The following LPAR1 variants were observed in gnomAD, a reference collection of about 807,000 sequenced individuals.
The protein encoded by LPAR1 is LPA receptor 1.
In LPAR1, 5 loss-of-function variants were observed where a neutral mutation model predicts 23.8. The observed-to-expected ratio is 0.21, with a 90% CI of 0.11 to 0.44. The LOEUF (loss-of-function observed/expected upper bound fraction) is 0.44, where lower values mean the gene tolerates loss of function less well. Ranked by LOEUF, LPAR1 falls within the 20% of genes least tolerant of loss-of-function variation. The pLI is 0.99. For synonymous variants in LPAR1, 160 were observed against 164.7 expected (o/e 0.97, Z 0.22); for missense variants, 311 against 482.8 (o/e 0.64, Z 3.33).
At chr9:110,925,310 AC>A (rs1469136981) in intron 5 of LPAR1, among the ~76,000 whole-genome samples, 1 of 151,680 alleles carries the variant, frequency 6.6e-6, no homozygotes, top group Admixed American at 6.6e-5. Flanking sequence ...CTTGGGGGAT[AC>A]ATTGGTCCGT....
intron 5 of LPAR1, among the ~76,000 whole-genome samples, chr9:110,937,549 G>A (rs1031062583): frequency 9.2e-5 from 14 of 152,118 alleles, no homozygotes; most frequent in African/African-American, 3.4e-4. Context: ...ATACGCCATA[G>A]GGTTGTAATT....
chr9:111,000,616 T>C (rs1345726892), intron 2 of LPAR1, among the ~76,000 whole-genome samples: 2 of 152,178 alleles, frequency 1.3e-5, no homozygotes, highest in African/African-American at 2.4e-5. Context: ...CCCAAAAGAA[T>C]AAGCCTTCTG....
intron 2 of LPAR1, among the ~76,000 whole-genome samples, chr9:110,978,011 A>G (rs1252621674): frequency 6.6e-6 from 1 of 152,232 alleles, no homozygotes. Flanking sequence ...CCACCAGGCA[A>G]ATAGAACACA....
chr9:110,981,596 A>T (rs979277532), intron 2 of LPAR1, among the ~76,000 whole-genome samples: 156 of 30,716 alleles, frequency 5.1e-3, no homozygotes, highest in Non-Finnish European at 0.012. Flanking sequence ...TTAAGGAAAT[A>T]AAAAAAAATC....
intron 1 of LPAR1, chr9:111,037,905 C>T (rs1196186048): frequency 6.6e-6 from 1 of 152,118 alleles, no homozygotes; most frequent in East Asian, 1.9e-4. Context: ...GGGGCTCGGT[C>T]CGCCGCTGGG....
At chr9:110,877,921 T>C (rs2079551640) in intron 5 of LPAR1, among the ~76,000 whole-genome samples, 1 of 152,202 alleles carries the variant, frequency 6.6e-6, no homozygotes, top group Non-Finnish European at 1.5e-5. Context: ...TGTTTATAAT[T>C]TCTTCCCATG....
intron 5 of LPAR1, among the ~76,000 whole-genome samples, chr9:110,896,776 T>C (rs1400429870): frequency 1.3e-5 from 2 of 149,834 alleles, no homozygotes; most frequent in Non-Finnish European, 2.9e-5. Context: ...TATGCAACTA[T>C]TTAGTGAAAT....
In LPAR1 at chr9:110,875,671, A is replaced by G. The variant is rs373021969; in HGVS notation, c.845T>C (p.Val282Ala). The stretch of plus-strand genomic sequence containing the variant: ...CAGCACGTCGCACTGTGGACAGCAC[A>G]CGTCTAGAAGTAACAAAACCAATCC... ...TPGLVLLLLD[V>A]CCPQCDVLAY... is the part of the protein sequence containing the mutation. The change falls in exon 6 of 6, where the codon GTG (valine) becomes GCG (alanine). Residue 282 changes from valine (V) to alanine (A), a missense_variant. Coordinates refer to ENST00000683809, the MANE Select transcript of LPAR1 (RefSeq NM_001351411.2). 8.1e-6 allele frequency: 13 copies of G among 1,613,836 alleles called. No homozygotes were observed. Among genetic ancestry groups the G allele is most frequent in the African/African-American group, 1.3e-5 (1 of 75,044 alleles).
intron 5 of LPAR1, among the ~76,000 whole-genome samples, chr9:110,923,084 C>T (rs528002631): frequency 1.9e-4 from 29 of 152,114 alleles, no homozygotes; most frequent in African/African-American, 7.0e-4. Context: ...AGGAGACTTG[C>T]CCCACTGAGT....
At chr9:110,882,954 TAAG>T (rs768118767) in intron 5 of LPAR1, among the ~76,000 whole-genome samples, 3 of 152,166 alleles carry the variant, frequency 2.0e-5, no homozygotes, top group Admixed American at 6.5e-5. Flanking sequence ...AAGTAAAAGG[TAAG>T]AAGAGGAGGC....
At chr9:110,988,111 A>G (rs2096826707) in intron 2 of LPAR1, among the ~76,000 whole-genome samples, 1 of 152,066 alleles carries the variant, frequency 6.6e-6, no homozygotes, top group Admixed American at 6.6e-5. Context: ...GGAACTATCA[A>G]TCTAGAACTT....
chr9:110,882,507 A>T (rs2081160607), intron 5 of LPAR1, among the ~76,000 whole-genome samples: 1 of 152,202 alleles, frequency 6.6e-6, no homozygotes, highest in Non-Finnish European at 1.5e-5. Flanking sequence ...CATAAGGAAG[A>T]CCCTGGAAGA....
intron 1 of LPAR1, among the ~76,000 whole-genome samples, chr9:111,037,145 T>C (rs550429780): frequency 6.6e-6 from 1 of 152,214 alleles, no homozygotes. Context: ...AACACACTTA[T>C]GCAAATACGT....
intron 5 of LPAR1, among the ~76,000 whole-genome samples, chr9:110,927,189 G>A (rs773622794): frequency 1.3e-4 from 19 of 151,928 alleles, no homozygotes; most frequent in Non-Finnish European, 1.0e-4. Flanking sequence ...TACAGCTAAC[G>A]CCTTTGCAAC....
At position 110,875,364 on chromosome 9, in the gene LPAR1, G is replaced by A; in HGVS notation, c.*57C>T. ...CCACCTTGCCCTGGCAATTGGGTAG[G>A]GGGAGGCTGTTTATCCTCCAAGAGA... On this transcript the variant is annotated 3_prime_UTR_variant, in exon 6 of 6. Coordinates refer to ENST00000683809, the MANE Select transcript of LPAR1 (RefSeq NM_001351411.2). 6.8e-7 allele frequency: 1 copy of A among 1,467,204 alleles called. No homozygotes were observed. The highest frequency in any genetic ancestry group is 1.3e-5 in the South Asian group (1 of 74,968). 90.9% of individuals were successfully genotyped at this position (1,467,204 alleles called of 1,614,324 possible).
At chr9:110,926,879 G>A (rs1459575889) in intron 5 of LPAR1, among the ~76,000 whole-genome samples, 2 of 152,214 alleles carry the variant, frequency 1.3e-5, no homozygotes, top group Non-Finnish European at 2.9e-5. Context: ...TGAATGCCAT[G>A]TAATTTAAAC....
intron 2 of LPAR1, among the ~76,000 whole-genome samples, chr9:111,010,754 T>A (rs1433779318): frequency 6.6e-6 from 1 of 152,196 alleles, no homozygotes; most frequent in African/African-American, 2.4e-5. Flanking sequence ...TCCATGTGAC[T>A]TTAAATGTAT....
chr9:110,991,579 T>TTTGTTGTTGTTG (rs199560980), intron 2 of LPAR1, among the ~76,000 whole-genome samples: 29 of 72,934 alleles, frequency 4.0e-4, no homozygotes, highest in African/African-American at 7.9e-4. Context: ...TCTGGTTTGT[T>TTTGTTGTTGTTG]TTGTTGTTGT....
intron 5 of LPAR1, among the ~76,000 whole-genome samples, chr9:110,885,938 C>T (rs1401250450): frequency 2.0e-5 from 3 of 152,192 alleles, no homozygotes; most frequent in Non-Finnish European, 4.4e-5. Context: ...TGGCTCATGC[C>T]TGTAATTCCA....
Sources: allele counts gnomAD v4.1 joint callset (sites outside exome capture counted in the v4.1 genomes callset), GRCh38; gene constraint gnomAD v4.1.1; transcripts MANE v1.5; gene names NCBI Gene and HGNC (gene_info 2026-07-23, HGNC 2026-07-21).